The following RP1 variants were observed in gnomAD, a reference collection of about 807,000 sequenced individuals.
RP1 encodes the protein oxygen-regulated protein 1.
RP1 carries 16 observed loss-of-function variants against 14.8 expected under a neutral mutation model. The ratio of observed to expected loss-of-function variants is 1.08; its 90% CI spans 0.73 to 1.65. RP1 has a LOEUF of 1.65. RP1 is among the 40% of genes most tolerant of loss of function. The pLI is 0.00. For missense variants in RP1, 2,631 were observed against 2,535.0 expected (o/e 1.04, Z -0.81); for synonymous variants, 876 against 883.6 (o/e 0.99, Z 0.15).
intron 16 of RP1, among the ~76,000 whole-genome samples, chr8:54,723,125 G>A (rs1356540930): frequency 6.6e-6 from 1 of 152,146 alleles, no homozygotes; most frequent in South Asian, 2.1e-4. Context: ...TGGACCACCT[G>A]CCTCTGTTCT....
intron 1 of RP1, among the ~76,000 whole-genome samples, chr8:54,606,948 A>AT (rs371233609): frequency 3.3e-5 from 5 of 151,412 alleles, no homozygotes; most frequent in Admixed American, 6.6e-5. Flanking sequence ...CATTCGTCTA[A>AT]TTTTTTTTCA....
At position 54,626,240 on chromosome 8, in the gene RP1, C is replaced by G. The variant is rs1806043079; in HGVS notation, c.2358C>G (p.Ser786Arg). The G allele has an allele frequency of 5.0e-6, 8 of 1,612,990 alleles. No homozygotes were observed. Among genetic ancestry groups the G allele is most frequent in the Non-Finnish European group, 6.8e-6 (8 of 1,179,640 alleles). ...AATCTAGATCACTAAATAAAATAAG[C>G]TTAGGAGCACCTAAAAAAAGAGAAA... ...KRKSRSLNKI[S>R]LGAPKKREIG... is the part of the protein sequence containing the mutation. The change falls in exon 4 of 4, where the codon AGC becomes AGG. Residue 786 changes from serine to arginine, a missense_variant. Transcript: ENST00000220676.
At chr8:54,664,126 G>A (rs184222884) in intron 7 of RP1, among the ~76,000 whole-genome samples, 4 of 152,166 alleles carry the variant, frequency 2.6e-5, no homozygotes, top group Admixed American at 6.5e-5. Flanking sequence ...CCTCATGTAA[G>A]GGAAATAATA....
At chr8:54,835,868 T>C (rs1362840527) in intron 24 of RP1, among the ~76,000 whole-genome samples, 1 of 152,202 alleles carries the variant, frequency 6.6e-6, no homozygotes, top group Non-Finnish European at 1.5e-5. Flanking sequence ...ATATTCCTTC[T>C]ATCAGCAACT....
At chr8:54,705,863 T>C (rs1271234133) in intron 14 of RP1, among the ~76,000 whole-genome samples, 4 of 151,968 alleles carry the variant, frequency 2.6e-5, no homozygotes, top group African/African-American at 7.3e-5. Flanking sequence ...CTTTTCCTTA[T>C]GTTTGTTCAC....
intron 15 of RP1, among the ~76,000 whole-genome samples, chr8:54,719,837 C>G (rs931690263): frequency 1.3e-4 from 20 of 152,142 alleles, no homozygotes; most frequent in Admixed American, 7.2e-4. Context: ...TAGAGGTGAG[C>G]AACTCTAAAA....
At chr8:54,645,413 T>C (rs1806525899) in intron 3 of RP1, among the ~76,000 whole-genome samples, 1 of 152,208 alleles carries the variant, frequency 6.6e-6, no homozygotes, top group Non-Finnish European at 1.5e-5. Context: ...TTAGTTATTA[T>C]ATGTAGTGCT....
chr8:54,564,638 T>G (rs1430093814), intron 1 of RP1, among the ~76,000 whole-genome samples: 1 of 152,318 alleles, frequency 6.6e-6, no homozygotes, highest in South Asian at 2.1e-4. Flanking sequence ...GCTTTGGGGT[T>G]AGAGAAGAAT....
chr8:54,720,277 A>G, exon 16 of RP1: 1 of 1,535,634 alleles, frequency 6.5e-7, no homozygotes. Context: ...AAGGATGAGA[A>G]TGTTTGCTTC....
At chr8:54,585,406 C>A (rs1319591487) in intron 1 of RP1, among the ~76,000 whole-genome samples, 1 of 152,182 alleles carries the variant, frequency 6.6e-6, no homozygotes, top group African/African-American at 2.4e-5. Flanking sequence ...GTGACCCGAC[C>A]TTTCTCTCTG....
exon 5 of RP1, chr8:54,652,840 T>A: frequency 2.0e-6 from 3 of 1,535,762 alleles, no homozygotes; most frequent in South Asian, 2.4e-5. Flanking sequence ...CAACTCTGGA[T>A]CCTCCCCTTC....
chr8:54,816,692 T>G (rs1811139122), intron 24 of RP1, among the ~76,000 whole-genome samples: 1 of 152,342 alleles, frequency 6.6e-6, no homozygotes. Flanking sequence ...GCCATCCTTC[T>G]TTTGCAGAAC....
At chr8:54,794,425 C>CTGTTTGT (rs1810535173) in intron 24 of RP1, among the ~76,000 whole-genome samples, 1 of 94,262 alleles carries the variant, frequency 1.1e-5, no homozygotes, top group African/African-American at 3.1e-5. Context: ...GCATATACGA[C>CTGTTTGT]CGTTTGTCAA....
chr8:54,691,425 G>C (rs1292798308), intron 12 of RP1, among the ~76,000 whole-genome samples: 1 of 152,078 alleles, frequency 6.6e-6, no homozygotes, highest in African/African-American at 2.4e-5. Context: ...GATTAGATTT[G>C]AAAGCTAGGA....
intron 24 of RP1, among the ~76,000 whole-genome samples, chr8:54,795,352 G>T (rs1478691777): frequency 6.6e-6 from 1 of 152,020 alleles, no homozygotes; most frequent in Non-Finnish European, 1.5e-5. Flanking sequence ...TGAATGAATA[G>T]ATAAACATAA....
At chr8:54,699,518 A>G in exon 13 of RP1, 2 of 1,413,218 alleles carry the variant, frequency 1.4e-6, no homozygotes, top group African/African-American at 1.4e-5. Context: ...TTCCAAAGTC[A>G]TGAGATGAGG....
chr8:54,853,810 G>C (rs1044185876), intron 26 of RP1, among the ~76,000 whole-genome samples: 5 of 135,224 alleles, frequency 3.7e-5, no homozygotes, highest in Non-Finnish European at 6.3e-5. Flanking sequence ...GAAAGAAAGA[G>C]AAAGGAAGGA....
chr8:54,663,708 A>T (rs1370355700), exon 7 of RP1: 6 of 1,525,734 alleles, frequency 3.9e-6, no homozygotes, highest in African/African-American at 1.4e-5. Context: ...GTGACAATAT[A>T]TGAAGTGAAT....
At position 54,687,924 on chromosome 8, in the gene RP1, A is replaced by G. The variant is rs559568343; in HGVS notation, c.1717+7991A>G. ...AATGGTTGAACTAATTTACACTCCCACCAACAGTGTAAAAGCGTTCCTATT... is the reference window on the plus strand; with the variant it reads ...AATGGTTGAACTAATTTACACTCCCGCCAACAGTGTAAAAGCGTTCCTATT... On this transcript the variant is annotated intron_variant, in intron 12 of 22. Transcript: ENST00000636932. Among the ~76,000 whole-genome samples the G allele has an allele frequency of 2.0e-5, 3 of 152,216 alleles. No homozygotes were observed. In the South Asian group the frequency reaches 6.2e-4, roughly 32 times the overall value.
Sources: gnomAD v4.1 joint callset for allele counts (sites outside exome capture counted in the v4.1 genomes callset) on GRCh38, gnomAD v4.1.1 for gene constraint, MANE v1.5 for transcripts, NCBI Gene and HGNC (gene_info 2026-07-23, HGNC 2026-07-21) for gene names.